CFAP77: variants seen among roughly 807,000 people sequenced by gnomAD.
CFAP77 encodes the protein cilia and flagella associated protein 77, also known as cilia- and flagella-associated protein 77.
A neutral mutation model predicts 31.1 loss-of-function variants in CFAP77; 25 were observed. That is an observed-to-expected ratio of 0.80 (90% CI 0.59 to 1.12). CFAP77 has a LOEUF of 1.12. CFAP77 is among the 50% of genes most tolerant of loss of function. The pLI is 0.00. For synonymous variants in CFAP77, 151 were observed against 159.9 expected, an observed-to-expected ratio of 0.94 and a Z score of 0.42; for missense variants, 377 against 397.3, an observed-to-expected ratio of 0.95 and a Z score of 0.44.
Position 132,499,029 on chromosome 9 carries a change from G to A in CFAP77, c.295+235G>A, listed in dbSNP as rs972991539. ...GAACTAGCATGGGTATCCCCGCACC[G>A]CCCCCCTTCCCCGCCGCCGGCAGGG... On this transcript the variant is annotated intron_variant, in intron 2 of 5. Coordinates refer to ENST00000393216, the MANE Select transcript of CFAP77 (RefSeq NM_001282957.2). This position sits in a 1 kb window ranked among gnomAD's most constrained non-coding sequence, Gnocchi z 5.4. 2.4e-4 allele frequency among the ~76,000 whole-genome samples: 36 copies of A among 152,076 alleles called. No individual in the cohort carries two copies. The highest frequency in any genetic ancestry group is 8.0e-4 in the African/African-American group (33 of 41,462).
chr9:132,417,957 G>A (rs1181197910), intron 1 of CFAP77, among the ~76,000 whole-genome samples: 1 of 152,178 alleles, frequency 6.6e-6, no homozygotes, highest in Non-Finnish European at 1.5e-5. Context: ...ATGTGCCCTA[G>A]TTGCGAGTGA....
At chr9:132,530,136 C>CTTTT (rs750962954) in intron 3 of CFAP77, among the ~76,000 whole-genome samples, 75 of 93,216 alleles carry the variant, frequency 8.0e-4, no homozygotes, top group East Asian at 4.9e-3. Context: ...TCTTTCTTTT[C>CTTTT]TTTTTTTTTT....
In CFAP77 at chr9:132,539,179, C is replaced by A. The variant is rs1009663761; in HGVS notation, c.630+1473C>A. Among the ~76,000 whole-genome samples, 10 of 152,196 alleles carry A rather than the reference C, an allele frequency of 6.6e-5. No homozygotes were observed. The highest frequency in any genetic ancestry group is 2.2e-4 in the African/African-American group (9 of 41,450). On this transcript the variant is annotated intron_variant, in intron 4 of 5. Transcript: ENST00000393216. This position sits in a 1 kb window ranked among gnomAD's most constrained non-coding sequence, Gnocchi z 4.3. The stretch of plus-strand genomic sequence containing the variant: ...GAGCTTTCAGAGAGATCAGATTGGC[C>A]TCCTCGGCAGTAGGTCCAGACTGAC...
intron 3 of CFAP77, among the ~76,000 whole-genome samples, chr9:132,503,722 T>G (rs1208611181): frequency 6.6e-6 from 1 of 152,176 alleles, no homozygotes; most frequent in African/African-American, 2.4e-5. Context: ...ATGGCAGGGC[T>G]TGGCCTGGAT....
rs796238632 is a variant in CFAP77 at position 132,481,958 on chromosome 9, TTGGGGG to T, written c.196-16736_196-16731del. Among the ~76,000 whole-genome samples the T allele has an allele frequency of 5.7e-4, 17 of 30,032 alleles. No homozygotes were observed. Among genetic ancestry groups the T allele is most frequent in the East Asian group, 4.5e-3 (15 of 3,298 alleles). The allele number at this position is 30,032 out of a possible 152,430, so 19.7% of individuals were successfully genotyped here. A position where few individuals can be genotyped will look rare whatever the true frequency, so the allele number is the denominator to read the frequency against. ...CTCAGGAAGGAACAAGGGTTTATGG[TTGGGGG>T]GGGGGGGGGCGGCGGAACACTGAAC... On this transcript the variant is annotated intron_variant, in intron 1 of 5. Transcript: ENST00000393216. This position sits in a 1 kb window ranked among gnomAD's most constrained non-coding sequence, Gnocchi z 5.0.
chr9:132,544,964 G>C (rs914060818), intron 5 of CFAP77, among the ~76,000 whole-genome samples: 6 of 151,998 alleles, frequency 3.9e-5, no homozygotes, highest in African/African-American at 1.4e-4. Flanking sequence ...TAGAGCCCAA[G>C]ACCATGGACA....
chr9:132,474,412 G>A (rs1464123307), intron 1 of CFAP77, among the ~76,000 whole-genome samples: 1 of 152,246 alleles, frequency 6.6e-6, no homozygotes, highest in Admixed American at 6.5e-5. Flanking sequence ...ATCCCAGGAA[G>A]GAGCGTGACT....
chr9:132,486,118 A>T (rs1589880354), intron 1 of CFAP77, among the ~76,000 whole-genome samples: 1 of 73,816 alleles, frequency 1.4e-5, no homozygotes, highest in Non-Finnish European at 2.5e-5. Context: ...TTTGAGACGG[A>T]GTCTTGTTCT....
At chr9:132,433,695 G>C (rs1035148418) in intron 1 of CFAP77, among the ~76,000 whole-genome samples, 1 of 151,370 alleles carries the variant, frequency 6.6e-6, no homozygotes, top group Non-Finnish European at 1.5e-5. Flanking sequence ...TTACAGGTGT[G>C]AGCCACCATG....
chr9:132,566,486 A>G (rs1053701883), intron 5 of CFAP77, among the ~76,000 whole-genome samples: 8 of 152,212 alleles, frequency 5.3e-5, no homozygotes, highest in African/African-American at 1.9e-4. Flanking sequence ...TGCTGTTGAC[A>G]AGGGGCTCAA....
rs977162115 is a variant in CFAP77 at position 132,490,105 on chromosome 9, C to T, written c.196-8590C>T. On this transcript the variant is annotated intron_variant, in intron 1 of 5. Transcript: ENST00000393216. This position sits in a 1 kb window ranked among gnomAD's most constrained non-coding sequence, Gnocchi z 4.6. Reference sequence around the variant, plus strand: ...TATCCCCCAGGGTGGGGACGAATGCCGTATCCTCGCATGACAGACGGACAG... The same window carrying T: ...TATCCCCCAGGGTGGGGACGAATGCTGTATCCTCGCATGACAGACGGACAG... 1.3e-5 allele frequency among the ~76,000 whole-genome samples: 2 copies of T among 151,968 alleles called. No individual in the cohort carries two copies. Among genetic ancestry groups the T allele is most frequent in the African/African-American group, 2.4e-5 (1 of 41,330 alleles).
intron 1 of CFAP77, among the ~76,000 whole-genome samples, chr9:132,466,255 C>T (rs1468076884): frequency 2.6e-5 from 4 of 152,062 alleles, no homozygotes; most frequent in Non-Finnish European, 2.9e-5. Context: ...TTTTTAAATG[C>T]CCCTTGATGA....
intron 5 of CFAP77, among the ~76,000 whole-genome samples, chr9:132,559,352 A>AAAAAAAAAAAAAAAAAAAAAAAAG (rs1852958750): frequency 6.7e-6 from 1 of 149,248 alleles, no homozygotes; most frequent in Non-Finnish European, 1.5e-5. Flanking sequence ...CTTGCAAAAA[A>AAAAAAAAAAAAAAAAAAAAAAAAG]AAAAAAAAAA....
chr9:132,508,849 C>T (rs1452072514), intron 3 of CFAP77, among the ~76,000 whole-genome samples: 4 of 152,180 alleles, frequency 2.6e-5, no homozygotes, highest in African/African-American at 9.7e-5. Context: ...GAGACAGTCA[C>T]TTGCCCAAAG....
chr9:132,499,968 T>C lies in CFAP77; in HGVS notation c.524+368T>C, dbSNP rs557410881. ...GAATTCGAGGCCAGGCTGGTCAACGTGGCAAAACCCCGTCTCTACAAAAAA... is the reference window on the plus strand; with the variant it reads ...GAATTCGAGGCCAGGCTGGTCAACGCGGCAAAACCCCGTCTCTACAAAAAA... On this transcript the variant is annotated intron_variant, in intron 3 of 5. Coordinates refer to ENST00000393216, the MANE Select transcript of CFAP77 (RefSeq NM_001282957.2). This position sits in a 1 kb window ranked among gnomAD's most constrained non-coding sequence, Gnocchi z 5.4. 6.6e-6 allele frequency among the ~76,000 whole-genome samples: 1 copy of C among 152,124 alleles called. No individual in the cohort carries two copies. Among genetic ancestry groups the C allele is most frequent in the East Asian group, 1.9e-4 (1 of 5,160 alleles).
rs142558879 is a variant in CFAP77, at chr9:132,426,678, G to A, written c.195+16212G>A. On this transcript the variant is annotated intron_variant, in intron 1 of 5. Coordinates refer to ENST00000393216, the MANE Select transcript of CFAP77 (RefSeq NM_001282957.2). ...TGAGGCAACCTTGTTTGTGCAGAGC[G>A]AGATTCCCCCGCCCCTGTACCCACT... Among the ~76,000 whole-genome samples, 11 of 152,274 alleles carry A rather than the reference G, an allele frequency of 7.2e-5. No homozygotes were observed. In the East Asian group the frequency reaches 1.7e-3, roughly 24 times the overall value.
At chr9:132,524,206 T>C (rs1048588932) in intron 3 of CFAP77, among the ~76,000 whole-genome samples, 5 of 152,134 alleles carry the variant, frequency 3.3e-5, no homozygotes, top group Non-Finnish European at 7.4e-5. Flanking sequence ...ATTCTCCTTG[T>C]CTCGGTTTGT....
chr9:132,551,023 G>A (rs1471754711), intron 5 of CFAP77, among the ~76,000 whole-genome samples: 2 of 152,164 alleles, frequency 1.3e-5, no homozygotes, highest in Non-Finnish European at 2.9e-5. Flanking sequence ...GGGGTAGGGG[G>A]AAAGTAAGAC....
chr9:132,459,582 T>C (rs879942532), intron 1 of CFAP77, among the ~76,000 whole-genome samples: 1 of 148,210 alleles, frequency 6.7e-6, no homozygotes, highest in Non-Finnish European at 1.5e-5. Flanking sequence ...TGCATGTATG[T>C]GTATGTATAT....
Sources: allele counts gnomAD v4.1 joint callset (sites outside exome capture counted in the v4.1 genomes callset), GRCh38; gene constraint gnomAD v4.1.1; non-coding constraint Gnocchi (gnomAD v3.1); transcripts MANE v1.5; gene names NCBI Gene and HGNC (gene_info 2026-07-23, HGNC 2026-07-21).